Variants in SMCO4 observed in about 807,000 individuals in gnomAD.
SMCO4 encodes single-pass membrane protein with coiled-coil domains 4, also known as single-pass membrane and coiled-coil domain-containing protein 4.
In SMCO4, 4 loss-of-function variants were observed where a neutral mutation model predicts 3.6. That is an observed-to-expected ratio of 1.11 (90% CI 0.54 to 2.53). SMCO4 has a LOEUF of 2.53. Among genes scored for constraint, SMCO4 ranks in the 30% most tolerant of loss-of-function variants. The probability of loss-of-function intolerance (pLI) is 0.02; values close to 1 mark genes in which losing one functional copy is unlikely to be tolerated. For missense variants in SMCO4, 70 were observed against 80.8 expected (o/e 0.87, Z 0.51); for synonymous variants, 36 against 35.3 (o/e 1.02, Z -0.07).
At chr11:93,488,497 C>T (rs768679782) in intron 2 of SMCO4, among the ~76,000 whole-genome samples, 2 of 151,998 alleles carry the variant, frequency 1.3e-5, no homozygotes, top group Non-Finnish European at 2.9e-5. Flanking sequence ...GGTCTGATAC[C>T]GAGTACACTT....
At chr11:93,537,150 C>T (rs1249183215) in intron 1 of SMCO4, among the ~76,000 whole-genome samples, 3 of 152,366 alleles carry the variant, frequency 2.0e-5, no homozygotes, top group African/African-American at 4.8e-5. Flanking sequence ...CCCTTTCCCA[C>T]GGCAGAGGGA....
At chr11:93,521,427 C>A (rs572462306) in intron 1 of SMCO4, among the ~76,000 whole-genome samples, 1 of 152,204 alleles carries the variant, frequency 6.6e-6, no homozygotes, top group Non-Finnish European at 1.5e-5. Flanking sequence ...TAAACTCGAG[C>A]TAACTCATCT....
intron 1 of SMCO4, among the ~76,000 whole-genome samples, chr11:93,505,856 AATG>A (rs61060663): frequency 0.039 from 5,857 of 149,710 alleles, 366 homozygotes; most frequent in African/African-American, 0.13. Context: ...AAGCCCTTGC[AATG>A]ATGATGATGA....
chr11:93,545,178 A>C (rs1465769638), upstream of SMCO4, among the ~76,000 whole-genome samples: 1 of 152,242 alleles, frequency 6.6e-6, no homozygotes, highest in Non-Finnish European at 1.5e-5. Context: ...ACTGCTAAAA[A>C]TTAATGAATA....
the SMCO4 span, among the ~76,000 whole-genome samples, chr11:93,551,367 C>T: frequency 1.3e-4 from 20 of 152,096 alleles, no homozygotes; most frequent in Non-Finnish European, 2.9e-4. Context: ...TGGTCCTCCT[C>T]ACCCAAGGCT....
At chr11:93,523,921 G>A (rs1012654153) in intron 1 of SMCO4, among the ~76,000 whole-genome samples, 8 of 152,126 alleles carry the variant, frequency 5.3e-5, no homozygotes. Context: ...AAAACCAAAA[G>A]AATGAGAAAA....
At chr11:93,520,943 A>C (rs1949051774) in intron 1 of SMCO4, among the ~76,000 whole-genome samples, 1 of 152,226 alleles carries the variant, frequency 6.6e-6, no homozygotes, top group Non-Finnish European at 1.5e-5. Flanking sequence ...CAAATCTTGG[A>C]GTTTCCACTA....
At chr11:93,493,219 G>C (rs1186289697) in intron 2 of SMCO4, among the ~76,000 whole-genome samples, 1 of 152,190 alleles carries the variant, frequency 6.6e-6, no homozygotes, top group African/African-American at 2.4e-5. Context: ...TCCAACTGCA[G>C]ACTGCACAGA....
the SMCO4 span, among the ~76,000 whole-genome samples, chr11:93,549,236 T>C: frequency 6.6e-6 from 1 of 152,260 alleles, no homozygotes; most frequent in African/African-American, 2.4e-5. Context: ...GGAGATATTG[T>C]TCTTAATCCC....
chr11:93,512,061 G>A (rs1948962774), intron 1 of SMCO4, among the ~76,000 whole-genome samples: 2 of 152,134 alleles, frequency 1.3e-5, no homozygotes, highest in Non-Finnish European at 2.9e-5. Context: ...GAAGTTTGGT[G>A]ATATTTCTGT....
intron 1 of SMCO4, among the ~76,000 whole-genome samples, chr11:93,505,816 TC>T (rs1948893320): frequency 6.6e-6 from 1 of 151,992 alleles, no homozygotes; most frequent in Non-Finnish European, 1.5e-5. Flanking sequence ...TAACCTAAAC[TC>T]TTCGTTTGTT....
intron 2 of SMCO4, among the ~76,000 whole-genome samples, chr11:93,488,829 A>G (rs1948681405): frequency 6.6e-6 from 1 of 152,144 alleles, no homozygotes; most frequent in African/African-American, 2.4e-5. Flanking sequence ...CCCTGGAGCA[A>G]TCCAAAGTCT....
At chr11:93,532,097 A>T (rs554228629) in intron 1 of SMCO4, among the ~76,000 whole-genome samples, 5 of 152,332 alleles carry the variant, frequency 3.3e-5, no homozygotes, top group Non-Finnish European at 7.4e-5. Flanking sequence ...GCTGTGTCAC[A>T]GGTGCATGTC....
At chr11:93,510,194 G>A (rs1212835352) in intron 1 of SMCO4, among the ~76,000 whole-genome samples, 6 of 152,192 alleles carry the variant, frequency 3.9e-5, no homozygotes, top group African/African-American at 1.4e-4. Context: ...ACAAATGAAA[G>A]CTGCAATTAG....
At chr11:93,550,454 G>C in the SMCO4 span, among the ~76,000 whole-genome samples, 1 of 152,058 alleles carries the variant, frequency 6.6e-6, no homozygotes, top group Non-Finnish European at 1.5e-5. Flanking sequence ...GAGCTCAGGA[G>C]TTCGAGATCA....
chr11:93,551,626 A>G, the SMCO4 span, among the ~76,000 whole-genome samples: 2 of 152,202 alleles, frequency 1.3e-5, no homozygotes, highest in East Asian at 1.9e-4. Context: ...GTTCCTGTGC[A>G]TATGCAGTCT....
chr11:93,535,621 G>A, intron 1 of SMCO4: 1 of 1,577,314 alleles, frequency 6.3e-7, no homozygotes, highest in Non-Finnish European at 8.7e-7. Context: ...CTTTGAGCCT[G>A]CAGACAACAA....
chr11:93,483,539 C>T (rs1490582766), intron 2 of SMCO4, among the ~76,000 whole-genome samples: 1 of 152,140 alleles, frequency 6.6e-6, no homozygotes, highest in African/African-American at 2.4e-5. Flanking sequence ...AGGGAGCACT[C>T]CAGAGAGGCC....
chr11:93,498,026 T>G (rs1475952298), intron 2 of SMCO4, among the ~76,000 whole-genome samples: 1 of 152,180 alleles, frequency 6.6e-6, no homozygotes, highest in Non-Finnish European at 1.5e-5. Context: ...TGCACACACT[T>G]GCGAAGTCTC....
Sources: gnomAD v4.1 joint callset for allele counts (sites outside exome capture counted in the v4.1 genomes callset) on GRCh38, gnomAD v4.1.1 for gene constraint, MANE v1.5 for transcripts, NCBI Gene and HGNC (gene_info 2026-07-23, HGNC 2026-07-21) for gene names.